TEAD1: variants seen among roughly 807,000 people sequenced by gnomAD.
TEAD1 encodes the protein transcriptional enhancer factor TEF-1.
A neutral mutation model predicts 54.9 loss-of-function variants in TEAD1; 9 were observed. The observed-to-expected ratio is 0.16, with a 90% CI of 0.10 to 0.29. The LOEUF (loss-of-function observed/expected upper bound fraction) is 0.29, where lower values mean the gene tolerates loss of function less well. Ranked by LOEUF, TEAD1 falls within the 10% of genes least tolerant of loss-of-function variation. The pLI is 1.00. For synonymous variants in TEAD1, 200 were observed against 187.8 expected (o/e 1.07, Z -0.53); for missense variants, 387 against 535.9 (o/e 0.72, Z 2.74).
In TEAD1 at chr11:12,941,196, A is replaced by AC. The variant is rs1235443107; in HGVS notation, c.*3976dup. 6.6e-6 allele frequency: 1 copy of AC among 152,246 alleles called. No homozygotes were observed. Among genetic ancestry groups the AC allele is most frequent in the Admixed American group, 6.5e-5 (1 of 15,270 alleles). The allele number at this position is 152,246 out of a possible 1,614,324, so 9.4% of individuals were successfully genotyped here. ...TCCCCCTGTGCCAGAGCACAGCCTC[A>AC]CCGGATGCTGCTTCCCACACTGAAG... On this transcript the variant is annotated 3_prime_UTR_variant, in exon 13 of 13. Coordinates refer to ENST00000527636, the MANE Select transcript of TEAD1 (RefSeq NM_021961.6).
In TEAD1 at chr11:12,812,404, C is replaced by G. The variant is rs1946321633; in HGVS notation, c.202+47970C>G. Among the ~76,000 whole-genome samples, 3 of 152,128 alleles carry G rather than the reference C, an allele frequency of 2.0e-5. No individual in the cohort carries two copies. In the South Asian group the frequency reaches 6.2e-4, roughly 32 times the overall value. ...AGGTGATGGTTAAAAGAGTACTTAA[C>G]TATTTGCTGGTCACTGGAGAGATGG... is the stretch of plus-strand genomic sequence containing the variant. On this transcript the variant is annotated intron_variant, in intron 3 of 12. Transcript: ENST00000527636.
intron 2 of TEAD1, among the ~76,000 whole-genome samples, chr11:12,734,861 C>G (rs1057207825): frequency 8.5e-5 from 13 of 152,290 alleles, no homozygotes; most frequent in African/African-American, 3.1e-4. Flanking sequence ...TGTTAAGCAA[C>G]ATGTGACTGC....
chr11:12,750,151 A>T (rs1590112802), intron 2 of TEAD1, among the ~76,000 whole-genome samples: 1 of 152,144 alleles, frequency 6.6e-6, no homozygotes, highest in Non-Finnish European at 1.5e-5. Flanking sequence ...TGTCGGCATT[A>T]GTTGGTGTTT....
rs554056832 is a variant in TEAD1 at position 12,861,617 on chromosome 11, C to T, written c.203-633C>T. ...TGGGTTTGTTTAGTCCCAGACTAAT[C>T]CTTGTCTGTATTTGTTGCTTATATG... On this transcript the variant is annotated intron_variant, in intron 3 of 12. Transcript: ENST00000527636. Among the ~76,000 whole-genome samples, 3 of 152,320 alleles carry T rather than the reference C, an allele frequency of 2.0e-5. No individual in the cohort carries two copies. The East Asian group carries it at 5.8e-4, about 29-fold the overall frequency.
intron 2 of TEAD1, among the ~76,000 whole-genome samples, chr11:12,752,871 C>T (rs1052272453): frequency 7.3e-5 from 11 of 150,734 alleles, no homozygotes; most frequent in Admixed American, 2.0e-4. Flanking sequence ...AAGACAGTGT[C>T]TCACACTCTC....
rs755707040 is a variant in TEAD1, at chr11:12,940,926, C to G, written c.*3704C>G. The G allele has an allele frequency of 5.3e-5, 8 of 152,148 alleles. No individual in the cohort carries two copies. Among genetic ancestry groups the G allele is most frequent in the Non-Finnish European group, 1.2e-4 (8 of 68,030 alleles). The allele number at this position is 152,148 out of a possible 1,614,324, so 9.4% of individuals were successfully genotyped here. A position where few individuals can be genotyped will look rare whatever the true frequency, so the allele number is the denominator to read the frequency against. ...AAGAGGGCTAAGATACGTTTTCTGT[C>G]TTGAGCTGAAAGCACAGTCTACTCT... is the stretch of plus-strand genomic sequence containing the variant. On this transcript the variant is annotated 3_prime_UTR_variant, in exon 13 of 13. Coordinates refer to ENST00000527636, the MANE Select transcript of TEAD1 (RefSeq NM_021961.6).
chr11:12,703,981 C>A (rs57903595), intron 2 of TEAD1, among the ~76,000 whole-genome samples: 7,879 of 152,184 alleles, frequency 0.052, 732 homozygotes, highest in African/African-American at 0.18. Context: ...AGCAGAATGG[C>A]CCTGGATGTG....
chr11:12,843,675 AGT>A (rs1170657578), intron 3 of TEAD1, among the ~76,000 whole-genome samples: 1 of 152,184 alleles, frequency 6.6e-6, no homozygotes, highest in Non-Finnish European at 1.5e-5. Flanking sequence ...TTTACTTTTC[AGT>A]TTGTGTTTTA....
At chr11:12,846,218 G>A (rs1947148362) in intron 3 of TEAD1, among the ~76,000 whole-genome samples, 1 of 152,188 alleles carries the variant, frequency 6.6e-6, no homozygotes, top group African/African-American at 2.4e-5. Flanking sequence ...ACAAAATGTT[G>A]CCTGCATGGA....
chr11:12,839,904 G>C (rs1258888059), intron 3 of TEAD1, among the ~76,000 whole-genome samples: 1 of 152,082 alleles, frequency 6.6e-6, no homozygotes, highest in Non-Finnish European at 1.5e-5. Context: ...GGAAGGGTGA[G>C]AGTGGGAACA....
At chr11:12,827,816 C>T (rs1352699477) in intron 3 of TEAD1, among the ~76,000 whole-genome samples, 1 of 152,168 alleles carries the variant, frequency 6.6e-6, no homozygotes. Flanking sequence ...CTCCTTGCTT[C>T]CCTCTACTCA....
At chr11:12,845,078 C>T (rs1001304754) in intron 3 of TEAD1, among the ~76,000 whole-genome samples, 2 of 146,870 alleles carry the variant, frequency 1.4e-5, no homozygotes, top group African/African-American at 2.5e-5. Flanking sequence ...CAATTCTCTG[C>T]CTCAGCCTCC....
At chr11:12,808,593 C>T (rs1269093179) in intron 3 of TEAD1, among the ~76,000 whole-genome samples, 1 of 152,114 alleles carries the variant, frequency 6.6e-6, no homozygotes, top group African/African-American at 2.4e-5. Context: ...TGCCAGCACT[C>T]CACCTGCCAC....
chr11:12,842,151 T>G (rs1399958591), intron 3 of TEAD1, among the ~76,000 whole-genome samples: 1 of 152,206 alleles, frequency 6.6e-6, no homozygotes, highest in Non-Finnish European at 1.5e-5. Context: ...TAACACATTA[T>G]AATATTACAG....
At chr11:12,682,913 G>A (rs1402550586) in intron 2 of TEAD1, among the ~76,000 whole-genome samples, 2 of 152,086 alleles carry the variant, frequency 1.3e-5, no homozygotes, top group Non-Finnish European at 2.9e-5. Flanking sequence ...TTTGAAATTG[G>A]GATGTGTTTG....
intron 3 of TEAD1, among the ~76,000 whole-genome samples, chr11:12,818,642 C>T (rs1182215061): frequency 6.6e-6 from 1 of 152,208 alleles, no homozygotes; most frequent in Admixed American, 6.5e-5. Flanking sequence ...ATGGAACTCT[C>T]AGTTGCCTTT....
intron 11 of TEAD1, among the ~76,000 whole-genome samples, chr11:12,929,755 A>G (rs567693063): frequency 1.3e-5 from 2 of 152,288 alleles, no homozygotes; most frequent in East Asian, 1.9e-4. Flanking sequence ...AGTTTTTTCT[A>G]AAGTAGAGAG....
chr11:12,764,086 A>G (rs1945154993), intron 2 of TEAD1, 93 bp from the exon 3 acceptor site: 1 of 776,384 alleles, frequency 1.3e-6, no homozygotes, highest in African/African-American at 1.7e-5. Flanking sequence ...GAAATGAAAA[A>G]AGCTGGTGAC....
intron 3 of TEAD1, among the ~76,000 whole-genome samples, chr11:12,813,528 T>C (rs1036586286): frequency 8.5e-5 from 13 of 152,340 alleles, no homozygotes; most frequent in African/African-American, 2.9e-4. Flanking sequence ...GTGGTGCTTT[T>C]GATAAGCAGT....
Sources: allele counts gnomAD v4.1 joint callset (sites outside exome capture counted in the v4.1 genomes callset), GRCh38; gene constraint gnomAD v4.1.1; transcripts MANE v1.5; gene names NCBI Gene and HGNC (gene_info 2026-07-23, HGNC 2026-07-21).